The following MTREX variants were observed in gnomAD, a reference collection of about 807,000 sequenced individuals.
MTREX encodes the protein exosome RNA helicase MTR4.
In MTREX, 76 loss-of-function variants were observed where a neutral mutation model predicts 135.4. The observed-to-expected ratio is 0.56, with a 90% confidence interval of 0.47 to 0.68. The LOEUF is 0.68. MTREX is among the 30% of genes least tolerant of loss of function. The pLI is 0.00. For missense variants in MTREX, 920 were observed against 1,262.1 expected, an observed-to-expected ratio of 0.73 and a Z score of 4.11; for synonymous variants, 404 against 401.6, an observed-to-expected ratio of 1.01 and a Z score of -0.07.
At chr5:55,321,118 G>A (rs1579847033) in intron 1 of MTREX, among the ~76,000 whole-genome samples, 1 of 152,100 alleles carries the variant, frequency 6.6e-6, no homozygotes, top group African/African-American at 2.4e-5. Context: ...CCATTTTAAA[G>A]TGAATTAATA....
intron 1 of MTREX, among the ~76,000 whole-genome samples, chr5:55,321,835 C>T (rs1749294832): frequency 6.6e-6 from 1 of 151,976 alleles, no homozygotes; most frequent in South Asian, 2.1e-4. Context: ...TCTCTAACTC[C>T]CGACCTCAAG....
intron 5 of MTREX, among the ~76,000 whole-genome samples, chr5:55,331,652 T>C (rs553110624): frequency 1.0e-3 from 157 of 152,350 alleles, no homozygotes; most frequent in African/African-American, 3.7e-3. Flanking sequence ...TTTCAGAACC[T>C]TCTCTTTGCA....
chr5:55,309,097 A>G (rs1561181055), intron 1 of MTREX, among the ~76,000 whole-genome samples: 1 of 152,176 alleles, frequency 6.6e-6, no homozygotes, highest in African/African-American at 2.4e-5. Flanking sequence ...AGGAAGGCTT[A>G]TTTATATACA....
At chr5:55,355,659 C>T (rs187779849) in intron 14 of MTREX, among the ~76,000 whole-genome samples, 10 of 152,146 alleles carry the variant, frequency 6.6e-5, no homozygotes, top group East Asian at 3.9e-4. Flanking sequence ...GAGCTCTTGG[C>T]GAATCCTGGG....
chr5:55,349,530 C>A, intron 11 of MTREX, 43 bp from the exon 12 acceptor site: 1 of 1,044,760 alleles, frequency 9.6e-7, no homozygotes, highest in Non-Finnish European at 1.5e-6. Flanking sequence ...TTTGGTATCA[C>A]TAACTCATTT....
At chr5:55,371,488 A>G (rs1309476733) in intron 16 of MTREX, among the ~76,000 whole-genome samples, 3 of 152,176 alleles carry the variant, frequency 2.0e-5, no homozygotes, top group Non-Finnish European at 4.4e-5. Context: ...GTTTGTGGGC[A>G]TATTTTACAT....
intron 26 of MTREX, 74 bp from the exon 27 acceptor site, chr5:55,424,646 T>A: frequency 3.7e-6 from 4 of 1,091,674 alleles, no homozygotes. Context: ...GTATACTGGC[T>A]TTAAAATTTC....
chr5:55,346,510 A>G (rs1025797328), intron 10 of MTREX, among the ~76,000 whole-genome samples: 2 of 152,188 alleles, frequency 1.3e-5, no homozygotes, highest in African/African-American at 4.8e-5. Context: ...TTAGTATTGT[A>G]TGTCTGATTA....
At chr5:55,421,349 T>A (rs900750830) in intron 25 of MTREX, among the ~76,000 whole-genome samples, 3 of 152,214 alleles carry the variant, frequency 2.0e-5, no homozygotes, top group Non-Finnish European at 2.9e-5. Context: ...TTTGTGCACA[T>A]ACCCAGTGAT....
rs754413662 is a variant in MTREX at position 55,405,431 on chromosome 5, A to G, written c.2488A>G (p.Ile830Val). The change falls in exon 22 of 27, where the codon ATA (isoleucine) becomes GTA (valine). Residue 830 changes from isoleucine to valine, a missense_variant. Coordinates refer to ENST00000230640, the MANE Select transcript of MTREX (RefSeq NM_015360.5). ...TLCEKKAQIA[I>V]DIKSAKRELK... ...ATACTTTCATGTGCTTTAGATTGCA[A>G]TAGATATTAAATCTGCAAAGCGAGA... The G allele has an allele frequency of 2.5e-6, 4 of 1,612,322 alleles. No homozygotes were observed. The highest frequency in any genetic ancestry group is 3.4e-6 in the Non-Finnish European group (4 of 1,178,700).
chr5:55,359,171 A>C (rs1355680977), intron 15 of MTREX, among the ~76,000 whole-genome samples: 3 of 152,236 alleles, frequency 2.0e-5, no homozygotes, highest in Non-Finnish European at 4.4e-5. Flanking sequence ...CCAATCAAAA[A>C]GGACACATTT....
intron 1 of MTREX, among the ~76,000 whole-genome samples, chr5:55,317,623 A>G (rs567687865): frequency 1.3e-5 from 2 of 152,348 alleles, no homozygotes; most frequent in South Asian, 4.1e-4. Context: ...ATGTAGAAAA[A>G]TCAACTCAAG....
chr5:55,366,445 C>CA (rs1445980223), intron 15 of MTREX, among the ~76,000 whole-genome samples: 15 of 152,086 alleles, frequency 9.9e-5, no homozygotes, highest in African/African-American at 3.6e-4. Flanking sequence ...AGCAGCCTTG[C>CA]AGTGGGGGAC....
rs1239609874 is a variant in MTREX, at chr5:55,381,537, G to A, written c.2052+2342G>A. Among the ~76,000 whole-genome samples, 3 of 152,100 alleles carry A rather than the reference G, an allele frequency of 2.0e-5. No homozygotes were observed. The East Asian group carries it at 5.8e-4, about 29-fold the overall frequency. ...TAACCCATTGGTTATTTAGGAGAGT[G>A]TTAATGTTCACATACTTGTTAATTT... is the stretch of plus-strand genomic sequence containing the variant. On this transcript the variant is annotated intron_variant, in intron 18 of 26. Transcript: ENST00000230640.
At chr5:55,361,573 G>A (rs1750010593) in intron 15 of MTREX, among the ~76,000 whole-genome samples, 2 of 152,034 alleles carry the variant, frequency 1.3e-5, no homozygotes, top group Non-Finnish European at 2.9e-5. Context: ...TCCTGCCTCA[G>A]CCTCCCAAGT....
At chr5:55,399,580 C>T (rs750386926) in intron 20 of MTREX, among the ~76,000 whole-genome samples, 18 of 152,272 alleles carry the variant, frequency 1.2e-4, no homozygotes, top group Non-Finnish European at 1.8e-4. Flanking sequence ...CTCCACCTCC[C>T]GGGTTCACGC....
intron 8 of MTREX, among the ~76,000 whole-genome samples, chr5:55,344,102 T>C (rs770279857): frequency 1.3e-5 from 2 of 152,178 alleles, no homozygotes; most frequent in Non-Finnish European, 2.9e-5. Flanking sequence ...CCAATGGATC[T>C]TGGGGAGAAG....
Position 55,405,408 on chromosome 5 carries a change from A to G in MTREX, c.2482-17A>G, listed in dbSNP as rs779527081. 6 of 1,597,826 alleles carry G rather than the reference A, an allele frequency of 3.8e-6. No homozygotes were observed. The highest frequency in any genetic ancestry group is 5.1e-6 in the Non-Finnish European group (6 of 1,168,190). ...CACTTTATTATTGAACTTTCTTTAT[A>G]CTTTCATGTGCTTTAGATTGCAATA... On this transcript the variant is annotated splice_polypyrimidine_tract_variant and intron_variant, in intron 21 of 26. Transcript: ENST00000230640.
Position 55,343,187 on chromosome 5 carries a change from T to C in MTREX, c.782-144T>C, listed in dbSNP as rs886632369. The C allele has an allele frequency of 9.0e-6, 6 of 668,426 alleles. No individual in the cohort carries two copies. In the Admixed American group the frequency reaches 1.0e-4, roughly 12 times the overall value. 41.4% of individuals were successfully genotyped at this position (668,426 alleles called of 1,614,324 possible). ...ATAGATTAATGGTGAGAAATAGTTT[T>C]CAGTAAGGTTCTGTGGCTTAAAATA... On this transcript the variant is annotated intron_variant, in intron 7 of 26. Coordinates refer to ENST00000230640, the MANE Select transcript of MTREX (RefSeq NM_015360.5).
Sources: allele counts gnomAD v4.1 joint callset (sites outside exome capture counted in the v4.1 genomes callset), GRCh38; gene constraint gnomAD v4.1.1; transcripts MANE v1.5; gene names NCBI Gene and HGNC (gene_info 2026-07-23, HGNC 2026-07-21).